Variants in SV2C observed in about 807,000 individuals in gnomAD.
The protein encoded by SV2C is solute carrier family 22 member B3.
SV2C carries 49 observed loss-of-function variants against 79.7 expected under a neutral mutation model. The ratio of observed to expected loss-of-function variants is 0.61; its 90% confidence interval spans 0.49 to 0.78. The LOEUF is 0.78. Among genes scored for constraint, SV2C ranks in the 30% least tolerant of loss-of-function variants. The pLI is 0.00. For synonymous variants in SV2C, 334 were observed against 333.2 expected (o/e 1.00, Z -0.03); for missense variants, 833 against 912.9 (o/e 0.91, Z 1.13).
At position 76,132,221 on chromosome 5, in the gene SV2C, C is replaced by G. The variant is rs755143754; in HGVS notation, c.471C>G (p.Val157=). ...HGRFQWALFF[V]LGMALMADGV... ...GTTTTCAGTGGGCCCTTTTCTTCGT[C>G]CTGGGCATGGCTCTTATGGCAGACG... The change falls in exon 2 of 13, where the codon GTC becomes GTG. Residue 157 remains valine (V), a synonymous_variant. Coordinates refer to ENST00000502798, the MANE Select transcript of SV2C (RefSeq NM_014979.4). 19 of 1,613,982 alleles carry G rather than the reference C, an allele frequency of 1.2e-5. No individual in the cohort carries two copies. In the Admixed American group the frequency reaches 3.2e-4, roughly 27 times the overall value.
the SV2C span, among the ~76,000 whole-genome samples, chr5:75,969,715 A>C: frequency 1.3e-5 from 2 of 152,232 alleles, no homozygotes; most frequent in African/African-American, 4.8e-5. Flanking sequence ...CTCCCACTCA[A>C]TAATAATGGG....
chr5:76,200,594 C>T (rs907716526), intron 3 of SV2C, among the ~76,000 whole-genome samples: 3 of 152,180 alleles, frequency 2.0e-5, no homozygotes, highest in African/African-American at 7.2e-5. Context: ...AGCACTGTCT[C>T]TGCAAATAAA....
chr5:75,891,218 C>T, the SV2C span, among the ~76,000 whole-genome samples: 1 of 152,044 alleles, frequency 6.6e-6, no homozygotes, highest in Non-Finnish European at 1.5e-5. Flanking sequence ...CAGATTAGAC[C>T]ACTGGGATTA....
intron 2 of SV2C, among the ~76,000 whole-genome samples, chr5:76,148,001 C>G (rs141222150): frequency 6.6e-6 from 1 of 151,974 alleles, no homozygotes; most frequent in African/African-American, 2.4e-5. Context: ...CTAATTCATT[C>G]TTTGATGTTT....
chr5:76,216,167 T>G (rs975906813), intron 4 of SV2C, among the ~76,000 whole-genome samples: 1 of 152,202 alleles, frequency 6.6e-6, no homozygotes, highest in Non-Finnish European at 1.5e-5. Context: ...GACCTAGCTT[T>G]TGTACCAGTG....
chr5:76,151,082 C>A (rs562058010), intron 2 of SV2C, among the ~76,000 whole-genome samples: 1 of 152,310 alleles, frequency 6.6e-6, no homozygotes, highest in South Asian at 2.1e-4. Flanking sequence ...GAGATTCATT[C>A]TGTTTGAAGG....
chr5:76,080,682 T>G (rs1416012986), upstream of SV2C, among the ~76,000 whole-genome samples: 1 of 151,856 alleles, frequency 6.6e-6, no homozygotes, highest in Non-Finnish European at 1.5e-5. Context: ...CAGCTTGTTT[T>G]TTAGCATCAC....
chr5:76,160,119 G>A (rs564924251), intron 2 of SV2C, among the ~76,000 whole-genome samples: 2 of 152,070 alleles, frequency 1.3e-5, no homozygotes, highest in Non-Finnish European at 2.9e-5. Flanking sequence ...GGTTAGGGTG[G>A]AAATCCTTTG....
the SV2C span, among the ~76,000 whole-genome samples, chr5:75,965,749 C>T: frequency 1.3e-5 from 2 of 151,612 alleles, no homozygotes; most frequent in African/African-American, 4.8e-5. Flanking sequence ...TTTTTTTATT[C>T]TACCTACTAT....
intron 2 of SV2C, among the ~76,000 whole-genome samples, chr5:76,137,993 A>G (rs772019337): frequency 6.6e-6 from 1 of 152,252 alleles, no homozygotes; most frequent in African/African-American, 2.4e-5. Flanking sequence ...CAGCTGTCAC[A>G]CTAGTGTTAC....
intron 4 of SV2C, among the ~76,000 whole-genome samples, chr5:76,261,338 T>C (rs1746460371): frequency 6.6e-6 from 1 of 152,200 alleles, no homozygotes; most frequent in African/African-American, 2.4e-5. Flanking sequence ...TAAGGAGTTT[T>C]TGGGCTGAGA....
the SV2C span, among the ~76,000 whole-genome samples, chr5:76,016,353 T>C: frequency 6.7e-6 from 1 of 149,746 alleles, no homozygotes; most frequent in Admixed American, 6.7e-5. Flanking sequence ...AACAACCTGA[T>C]GGACTCTACC....
chr5:76,126,869 A>G (rs977701949), intron 1 of SV2C, among the ~76,000 whole-genome samples: 1 of 151,944 alleles, frequency 6.6e-6, no homozygotes, highest in Non-Finnish European at 1.5e-5. Flanking sequence ...TCGCATTGTT[A>G]CTGGCCAGGT....
At chr5:75,901,795 G>A in the SV2C span, among the ~76,000 whole-genome samples, 1 of 152,230 alleles carries the variant, frequency 6.6e-6, no homozygotes, top group African/African-American at 2.4e-5. Context: ...GGCAATGGCA[G>A]GTGCCCCTCC....
the SV2C span, chr5:75,911,436 A>T: frequency 1.0e-6 from 1 of 995,444 alleles, no homozygotes; most frequent in Non-Finnish European, 1.5e-6. Context: ...CTCCACCCAG[A>T]GCCACTCCAA....
intron 1 of SV2C, among the ~76,000 whole-genome samples, chr5:76,086,456 T>C (rs1747200604): frequency 6.6e-6 from 1 of 152,190 alleles, no homozygotes; most frequent in African/African-American, 2.4e-5. Flanking sequence ...GAAAGCAAAA[T>C]GCCTCTTTTT....
intron 4 of SV2C, chr5:76,241,927 TAAAAC>T: frequency 1.3e-6 from 1 of 743,646 alleles, no homozygotes; most frequent in Non-Finnish European, 2.3e-6. Context: ...TAAAATAAAA[TAAAAC>T]AAAATTCTGC....
the SV2C span, chr5:75,910,368 G>C: frequency 1.8e-6 from 1 of 568,590 alleles, no homozygotes; most frequent in Non-Finnish European, 3.4e-6. Flanking sequence ...ATGGCCTTCA[G>C]CTCCTCATGA....
At chr5:76,265,111 C>T (rs1746609724) in intron 4 of SV2C, among the ~76,000 whole-genome samples, 1 of 152,208 alleles carries the variant, frequency 6.6e-6, no homozygotes, top group Non-Finnish European at 1.5e-5. Context: ...CTATAAGCCC[C>T]TAACTGGGGC....
Sources: gnomAD v4.1 joint callset for allele counts (sites outside exome capture counted in the v4.1 genomes callset) on GRCh38, gnomAD v4.1.1 for gene constraint, MANE v1.5 for transcripts, NCBI Gene and HGNC (gene_info 2026-07-23, HGNC 2026-07-21) for gene names.